Variants in PAM observed in about 807,000 individuals in gnomAD.
PAM encodes peptidylglycine alpha-amidating monooxygenase, also known as peptidyl-glycine alpha-amidating monooxygenase.
A neutral mutation model predicts 122.1 loss-of-function variants in PAM; 72 were observed. That is an observed-to-expected ratio of 0.59 (90% CI 0.49 to 0.72). The LOEUF is 0.72. Among genes scored for constraint, PAM ranks in the 30% least tolerant of loss-of-function variants. PAM has a pLI of 0.00. For synonymous variants in PAM, 389 were observed against 404.4 expected (o/e 0.96, Z 0.46); for missense variants, 1,106 against 1,183.7 (o/e 0.93, Z 0.96).
intron 1 of PAM, among the ~76,000 whole-genome samples, chr5:102,816,720 G>C (rs1769928526): frequency 6.6e-6 from 1 of 152,060 alleles, no homozygotes; most frequent in Non-Finnish European, 1.5e-5. Flanking sequence ...TGATCTTCCT[G>C]ACTCTAAAAG....
chr5:102,912,617 ACTTT>A (rs57067669), intron 4 of PAM, among the ~76,000 whole-genome samples: 6,014 of 151,894 alleles, frequency 0.04, 379 homozygotes, highest in African/African-American at 0.14. Context: ...GATGATAAGG[ACTTT>A]CTATGAATTG....
intron 21 of PAM, among the ~76,000 whole-genome samples, chr5:103,013,864 G>A (rs1325044567): frequency 6.6e-6 from 1 of 152,096 alleles, no homozygotes; most frequent in Non-Finnish European, 1.5e-5. Context: ...AAAGATTCCA[G>A]TATACATTCC....
intron 3 of PAM, among the ~76,000 whole-genome samples, chr5:102,871,724 C>A: frequency 6.9e-6 from 1 of 145,704 alleles, no homozygotes. Context: ...ATATATAATA[C>A]ATTTATATAT....
intron 3 of PAM, among the ~76,000 whole-genome samples, chr5:102,890,512 T>G (rs878980735): frequency 6.6e-6 from 1 of 151,904 alleles, no homozygotes; most frequent in Admixed American, 6.6e-5. Flanking sequence ...TAAATACACT[T>G]TATGTTGCTT....
chr5:102,776,815 C>A (rs11949704), intron 1 of PAM, among the ~76,000 whole-genome samples: 2,793 of 152,076 alleles, frequency 0.018, 75 homozygotes, highest in African/African-American at 0.065. Flanking sequence ...GTAACTATAA[C>A]TGCATTTATA....
intron 1 of PAM, among the ~76,000 whole-genome samples, chr5:102,800,026 C>T (rs527976119): frequency 6.6e-6 from 1 of 152,344 alleles, no homozygotes; most frequent in Non-Finnish European, 1.5e-5. Context: ...AAGCTCCATT[C>T]ATGCATTCAT....
chr5:103,021,998 G>A (rs1783680352), intron 23 of PAM, among the ~76,000 whole-genome samples: 1 of 151,626 alleles, frequency 6.6e-6, no homozygotes, highest in South Asian at 2.1e-4. Flanking sequence ...GATAATTTCA[G>A]ATGATAAAAA....
chr5:102,925,348 G>T (rs1749052612), intron 6 of PAM, among the ~76,000 whole-genome samples: 1 of 152,174 alleles, frequency 6.6e-6, no homozygotes, highest in African/African-American at 2.4e-5. Flanking sequence ...CACATTTCAT[G>T]AGCCAAGAGA....
chr5:102,964,994 A>C (rs1440689077), intron 14 of PAM, among the ~76,000 whole-genome samples: 1 of 151,882 alleles, frequency 6.6e-6, no homozygotes, highest in Non-Finnish European at 1.5e-5. Flanking sequence ...AAAACAAACT[A>C]AAATGTCACC....
intron 4 of PAM, among the ~76,000 whole-genome samples, chr5:102,909,837 A>C (rs983523877): frequency 6.6e-6 from 1 of 151,924 alleles, no homozygotes; most frequent in Non-Finnish European, 1.5e-5. Flanking sequence ...AGTTATCCCT[A>C]ATACATACAA....
chr5:102,910,954 T>A (rs537292956), intron 4 of PAM, among the ~76,000 whole-genome samples: 1 of 152,040 alleles, frequency 6.6e-6, no homozygotes, highest in South Asian at 2.1e-4. Context: ...GGGTCTTATT[T>A]TGCAAAGCCA....
chr5:102,785,182 A>G (rs1760179930), intron 1 of PAM, among the ~76,000 whole-genome samples: 1 of 152,234 alleles, frequency 6.6e-6, no homozygotes. Context: ...TAGTGATGCT[A>G]GCCCAGCAGC....
At chr5:102,878,885 A>G (rs765255335) in intron 3 of PAM, among the ~76,000 whole-genome samples, 3 of 152,120 alleles carry the variant, frequency 2.0e-5, no homozygotes, top group Non-Finnish European at 4.4e-5. Context: ...AAGTTATAGT[A>G]AGCTAAGGTT....
At chr5:102,915,591 C>T (rs1357218101) in intron 5 of PAM, among the ~76,000 whole-genome samples, 1 of 152,082 alleles carries the variant, frequency 6.6e-6, no homozygotes, top group Non-Finnish European at 1.5e-5. Context: ...TTTCCTGAAT[C>T]TTATTCAGTA....
chr5:102,877,202 G>T (rs1196965201), intron 3 of PAM, among the ~76,000 whole-genome samples: 2 of 152,170 alleles, frequency 1.3e-5, no homozygotes, highest in African/African-American at 4.8e-5. Flanking sequence ...AAATTAATAT[G>T]TGTAAAACAC....
chr5:103,003,281 A>G (rs926731653), intron 17 of PAM, 132 bp downstream of exon 17: 5 of 535,412 alleles, frequency 9.3e-6, no homozygotes, highest in African/African-American at 1.9e-5. Flanking sequence ...GGGCCATCCC[A>G]TCTTTCATTT....
At position 103,003,109 on chromosome 5, in the gene PAM, C is replaced by A. The variant is rs1777897340; in HGVS notation, c.1690C>A (p.Pro564Thr). The A allele has an allele frequency of 1.3e-6, 2 of 1,597,146 alleles. No individual in the cohort carries two copies. Among genetic ancestry groups the A allele is most frequent in the Non-Finnish European group, 8.6e-7 (1 of 1,164,682 alleles). The change falls in exon 17 of 26, where the codon CCA becomes ACA. Residue 564 changes from proline to threonine, a missense_variant. Pro to Thr is a conservative substitution (Grantham distance 38). Around this residue, in one of 3 missense-constraint regions of PAM, gnomAD observed 670 missense variants for 690.3 expected, o/e 0.97. Transcript: ENST00000438793. ...AGAAGACACTATTCTTGTCATAGAT[C>A]CAAATAATGCTGCAGTACTCCAGTC... ...IEEDTILVIDPNNAAVLQSSG... is the reference protein window; with the variant it reads ...IEEDTILVIDTNNAAVLQSSG...
At chr5:103,014,609 A>C (rs187123934) in intron 21 of PAM, among the ~76,000 whole-genome samples, 19 of 152,262 alleles carry the variant, frequency 1.2e-4, no homozygotes, top group East Asian at 1.2e-3. Flanking sequence ...ATGAAGGTCA[A>C]GTTTTACATA....
At chr5:102,777,838 C>A (rs944573667) in intron 1 of PAM, among the ~76,000 whole-genome samples, 21 of 152,192 alleles carry the variant, frequency 1.4e-4, no homozygotes, top group African/African-American at 4.8e-4. Context: ...CTATTGTTTT[C>A]TGTTTTTACG....
Sources: gnomAD v4.1 joint callset for allele counts (sites outside exome capture counted in the v4.1 genomes callset) on GRCh38, gnomAD v4.1.1 for gene constraint, gnomAD v4.1.1 regional missense constraint, MANE v1.5 for transcripts, NCBI Gene and HGNC (gene_info 2026-07-23, HGNC 2026-07-21) for gene names.